USP6NL: variants seen among roughly 807,000 people sequenced by gnomAD.
USP6NL encodes the protein USP6 N-terminal like.
USP6NL carries 26 observed loss-of-function variants against 61.9 expected under a neutral mutation model. The ratio of observed to expected loss-of-function variants is 0.42; its 90% confidence interval spans 0.31 to 0.58. The LOEUF is 0.58. USP6NL is among the 20% of genes least tolerant of loss of function. The pLI, the probability that USP6NL is intolerant of heterozygous loss-of-function variation, is 0.16. For synonymous variants in USP6NL, 432 were observed against 390.1 expected, an observed-to-expected ratio of 1.11 and a Z score of -1.27; for missense variants, 1,114 against 1,034.3, an observed-to-expected ratio of 1.08 and a Z score of -1.06.
chr10:11,470,289 G>A lies in USP6NL; in HGVS notation c.1079-6440C>T, dbSNP rs913354259. On this transcript the variant is annotated intron_variant, in intron 14 of 14. Coordinates refer to ENST00000609104, the MANE Select transcript of USP6NL (RefSeq NM_014688.5). The surrounding 1 kb of genome is among the most constrained non-coding windows in gnomAD (Gnocchi z 5.4). Reference sequence around the variant, plus strand: ...CCTCATGGAGGGCCCGCGGGGACTCGCTGGCTTTTCACAGCCTCTGTAGGG... The same window carrying A: ...CCTCATGGAGGGCCCGCGGGGACTCACTGGCTTTTCACAGCCTCTGTAGGG... Among the ~76,000 whole-genome samples the A allele has an allele frequency of 6.6e-5, 10 of 152,092 alleles. No individual in the cohort carries two copies. Among genetic ancestry groups the A allele is most frequent in the Non-Finnish European group, 1.5e-5 (1 of 67,958 alleles).
At chr10:11,475,727 A>G (rs1832945999) in intron 14 of USP6NL, among the ~76,000 whole-genome samples, 1 of 152,170 alleles carries the variant, frequency 6.6e-6, no homozygotes, top group Non-Finnish European at 1.5e-5. Flanking sequence ...GAGAGCGTTA[A>G]AGGGAAACTG....
At position 11,606,934 on chromosome 10, in the gene USP6NL, C is replaced by T. The variant is rs565249215; in HGVS notation, c.-84+4509G>A. ...GCCTCCGAGTAGCTGGGACCACAAGCGTACGCCACCATGCCCCACTAATTT... is the reference window on the plus strand; with the variant it reads ...GCCTCCGAGTAGCTGGGACCACAAGTGTACGCCACCATGCCCCACTAATTT... On this transcript the variant is annotated intron_variant, in intron 1 of 14. Transcript: ENST00000609104. 3.5e-4 allele frequency among the ~76,000 whole-genome samples: 53 copies of T among 151,896 alleles called. 1 individual carries two copies. The South Asian group carries it at 0.01, about 30-fold the overall frequency.
chr10:11,535,083 G>T (rs1402270445), intron 2 of USP6NL, among the ~76,000 whole-genome samples: 1 of 152,130 alleles, frequency 6.6e-6, no homozygotes, highest in Admixed American at 6.5e-5. Context: ...GTACATCATG[G>T]AGACCGTATA....
intron 2 of USP6NL, among the ~76,000 whole-genome samples, chr10:11,578,581 G>C (rs1055605947): frequency 6.6e-6 from 1 of 152,070 alleles, no homozygotes; most frequent in African/African-American, 2.4e-5. Flanking sequence ...TCCACCTCTA[G>C]CCTGGGCAAC....
intron 2 of USP6NL, chr10:11,564,623 C>T (rs1837058819): frequency 1.3e-5 from 2 of 152,178 alleles, no homozygotes; most frequent in South Asian, 2.1e-4. Context: ...TAATCATATA[C>T]ACATACGCTG....
Position 11,463,259 on chromosome 10 carries a change from G to A in USP6NL, c.1669C>T (p.Pro557Ser). Residue 557 changes from proline (P) to serine (S), a missense_variant, in exon 15 of 15, where the codon CCG (proline) becomes TCG (serine). Pro to Ser is a moderately conservative substitution (Grantham distance 74, BLOSUM62 -1). Coordinates refer to ENST00000609104, the MANE Select transcript of USP6NL (RefSeq NM_014688.5). This position sits in a 1 kb window ranked among gnomAD's most constrained non-coding sequence, Gnocchi z 6.3. ...ACGGAAGCGCCGCTGTCCAGCTCCGGGCCTGGCACGTTGTCGTACTGCGAT... is the reference window on the plus strand; with the variant it reads ...ACGGAAGCGCCGCTGTCCAGCTCCGAGCCTGGCACGTTGTCGTACTGCGAT... ...TASQYDNVPG[P>S]ELDSGASVEE... is the part of the protein sequence containing the mutation. The A allele has an allele frequency of 3.7e-6, 6 of 1,613,708 alleles. No homozygotes were observed. Among genetic ancestry groups the A allele is most frequent in the Admixed American group, 1.7e-5 (1 of 60,032 alleles).
rs2096217681 is a variant in USP6NL, at chr10:11,462,338, C to T, written c.*103G>A. On this transcript the variant is annotated 3_prime_UTR_variant, in exon 15 of 15. Coordinates refer to ENST00000609104, the MANE Select transcript of USP6NL (RefSeq NM_014688.5). ...ACTACTAACAGACAGGAGAGATGTG[C>T]GAGTTGTTTACAATAGTATAAATAC... 9 of 1,298,338 alleles carry T rather than the reference C, an allele frequency of 6.9e-6. No individual in the cohort carries two copies. Among genetic ancestry groups the T allele is most frequent in the South Asian group, 1.5e-5 (1 of 64,746 alleles). The allele number at this position is 1,298,338 out of a possible 1,614,324, so 80.4% of individuals were successfully genotyped here. A position where few individuals can be genotyped will look rare whatever the true frequency, so the allele number is the denominator to read the frequency against.
intron 6 of USP6NL, among the ~76,000 whole-genome samples, chr10:11,506,611 T>C (rs1468209356): frequency 6.6e-6 from 1 of 151,654 alleles, no homozygotes. Context: ...ATTGCGCAAC[T>C]GCACCCCAGC....
At chr10:11,564,691 C>T (rs1361898915) in intron 2 of USP6NL, 1 of 152,124 alleles carries the variant, frequency 6.6e-6, no homozygotes, top group Non-Finnish European at 1.5e-5. Context: ...CCAGGTGGAA[C>T]TTAGTACCTC....
chr10:11,489,193 C>G lies in USP6NL; in HGVS notation c.573G>C (p.Gln191His), dbSNP rs1002868943. The G allele has an allele frequency of 6.2e-7, 1 of 1,613,934 alleles. No homozygotes were observed. The change falls in exon 10 of 15, where the codon CAG (glutamine) becomes CAC (histidine). Residue 191 changes from glutamine (Q) to histidine (H), a missense_variant. Transcript: ENST00000609104. This position sits in a 1 kb window ranked among gnomAD's most constrained non-coding sequence, Gnocchi z 5.7. ...TATACATGAGGAGTAAAGCTGTGAT[C>G]TGGCTCATCCCCTGACAATACCCGA... ...TEVGYCQGMS[Q>H]ITALLLMYMN...
Position 11,489,300 on chromosome 10 carries a change from A to G in USP6NL, c.544-78T>C, listed in dbSNP as rs1833611742. On this transcript the variant is annotated intron_variant, in intron 9 of 14. Transcript: ENST00000609104. This position sits in a 1 kb window ranked among gnomAD's most constrained non-coding sequence, Gnocchi z 5.7. ...ATATGTACAGAGAAAAAGCTACTCTATAAAAACCAGAAAATGCCTACACAC... is the reference window on the plus strand; with the variant it reads ...ATATGTACAGAGAAAAAGCTACTCTGTAAAAACCAGAAAATGCCTACACAC... The G allele has an allele frequency of 1.3e-6, 2 of 1,557,964 alleles. No homozygotes were observed. The highest frequency in any genetic ancestry group is 1.2e-5 in the South Asian group (1 of 82,084).
At chr10:11,551,598 G>A (rs1018494395) in intron 2 of USP6NL, among the ~76,000 whole-genome samples, 1 of 152,208 alleles carries the variant, frequency 6.6e-6, no homozygotes, top group Non-Finnish European at 1.5e-5. Context: ...TGAGAAAAAT[G>A]AGACTTAGAG....
In USP6NL at chr10:11,562,948, G is replaced by A. The variant is rs182649753; in HGVS notation, c.4+34683C>T. 9.6e-4 allele frequency: 199 copies of A among 208,232 alleles called. 2 individuals are homozygous for A. The Admixed American group carries it at 0.012, about 12-fold the overall frequency. The allele number at this position is 208,232 out of a possible 1,614,324, so 12.9% of individuals were successfully genotyped here. A position where few individuals can be genotyped will look rare whatever the true frequency, so the allele number is the denominator to read the frequency against. ...AGAAATAAAAATTTATATTTATGTC[G>A]ACACAAAAATCTGAATGTTCATAGT... On this transcript the variant is annotated intron_variant, in intron 2 of 14. Transcript: ENST00000609104. The surrounding 1 kb of genome is among the most constrained non-coding windows in gnomAD (Gnocchi z 4.8).
chr10:11,489,033 C>A lies in USP6NL; in HGVS notation c.664+69G>T. Reference sequence around the variant, plus strand: ...TGCTGTATGTAACTCTTGCAAGCATCTTTGGTTTTGTTTTAATCTACTTTT... The same window carrying A: ...TGCTGTATGTAACTCTTGCAAGCATATTTGGTTTTGTTTTAATCTACTTTT... On this transcript the variant is annotated intron_variant, in intron 10 of 14. Transcript: ENST00000609104. The surrounding 1 kb of genome is among the most constrained non-coding windows in gnomAD (Gnocchi z 5.7). The A allele has an allele frequency of 6.3e-7, 1 of 1,582,282 alleles. No individual in the cohort carries two copies.
Position 11,487,875 on chromosome 10 carries a change from T to C in USP6NL, c.664+1227A>G, listed in dbSNP as rs991452285. On this transcript the variant is annotated intron_variant, in intron 10 of 14. Coordinates refer to ENST00000609104, the MANE Select transcript of USP6NL (RefSeq NM_014688.5). This position sits in a 1 kb window ranked among gnomAD's most constrained non-coding sequence, Gnocchi z 4.2. Reference sequence around the variant, plus strand: ...GTGAGACTTCACAAACAATGGGCTATAGAAAGTCATAATTTTGAAAATATT... The same window carrying C: ...GTGAGACTTCACAAACAATGGGCTACAGAAAGTCATAATTTTGAAAATATT... Among the ~76,000 whole-genome samples the C allele has an allele frequency of 2.6e-5, 4 of 152,220 alleles. No individual in the cohort carries two copies. The highest frequency in any genetic ancestry group is 2.1e-4 in the South Asian group (1 of 4,832).
chr10:11,529,188 A>T (rs1835545913), intron 2 of USP6NL, among the ~76,000 whole-genome samples: 1 of 152,196 alleles, frequency 6.6e-6, no homozygotes, highest in Non-Finnish European at 1.5e-5. Context: ...GAAAAAAAAA[A>T]TCAACTTCAT....
Position 11,597,130 on chromosome 10 carries a change from C to A in USP6NL, c.4+501G>T, listed in dbSNP as rs2133663516. Among the ~76,000 whole-genome samples the A allele has an allele frequency of 6.6e-6, 1 of 152,246 alleles. No individual in the cohort carries two copies. Among genetic ancestry groups the A allele is most frequent in the East Asian group, 1.9e-4 (1 of 5,182 alleles). ...AGAGAGAAAATATTACATATACTAT[C>A]CCCTTACAACTAAGAAGATAAAATT... On this transcript the variant is annotated intron_variant, in intron 2 of 14. Transcript: ENST00000609104. The surrounding 1 kb of genome is among the most constrained non-coding windows in gnomAD (Gnocchi z 4.6).
chr10:11,532,236 G>A lies in USP6NL; in HGVS notation c.5-4669C>T, dbSNP rs752276129. On this transcript the variant is annotated intron_variant, in intron 2 of 14. Coordinates refer to ENST00000609104, the MANE Select transcript of USP6NL (RefSeq NM_014688.5). The surrounding 1 kb of genome is among the most constrained non-coding windows in gnomAD (Gnocchi z 4.1). ...TAACAACAGCTTCAGTCCTCATAGA[G>A]TAACTTATCTATTCCAAGATTTCAT... The A allele has an allele frequency of 1.9e-6, 3 of 1,599,646 alleles. No homozygotes were observed. Among genetic ancestry groups the A allele is most frequent in the East Asian group, 2.2e-5 (1 of 44,580 alleles).
At chr10:11,500,498 G>A (rs1038946851) in intron 7 of USP6NL, among the ~76,000 whole-genome samples, 3 of 151,702 alleles carry the variant, frequency 2.0e-5, no homozygotes, top group Non-Finnish European at 2.9e-5. Flanking sequence ...GAAAATTTAG[G>A]TTCAGAAAGG....
Sources: allele counts gnomAD v4.1 joint callset (sites outside exome capture counted in the v4.1 genomes callset), GRCh38; gene constraint gnomAD v4.1.1; non-coding constraint Gnocchi (gnomAD v3.1); transcripts MANE v1.5; gene names NCBI Gene and HGNC (gene_info 2026-07-23, HGNC 2026-07-21).